Variants in WNK1 observed in about 807,000 individuals in gnomAD.
WNK1 encodes the protein serine/threonine-protein kinase WNK1.
In WNK1, 38 loss-of-function variants were observed where a neutral mutation model predicts 222.8. The ratio of observed to expected loss-of-function variants is 0.17; its 90% CI spans 0.13 to 0.22. The LOEUF is 0.22. WNK1 is among the 10% of genes least tolerant of loss of function. The pLI is 1.00. For synonymous variants in WNK1, 1,090 were observed against 1,092.9 expected (o/e 1.00, Z 0.05); for missense variants, 2,348 against 2,918.4 (o/e 0.80, Z 4.50).
At chr12:797,272 A>G (rs565665591) in intron 1 of WNK1, among the ~76,000 whole-genome samples, 3 of 152,260 alleles carry the variant, frequency 2.0e-5, no homozygotes, top group Non-Finnish European at 2.9e-5. Context: ...GGCTGTAGCT[A>G]TAATTGTTGG....
At chr12:825,318 A>G (rs943604240) in intron 2 of WNK1, among the ~76,000 whole-genome samples, 3 of 152,120 alleles carry the variant, frequency 2.0e-5, no homozygotes, top group Admixed American at 6.5e-5. Flanking sequence ...TAGTTCTGCT[A>G]TTTGATTTTT....
At chr12:875,900 A>G (rs1445277882) in intron 9 of WNK1, among the ~76,000 whole-genome samples, 4 of 152,212 alleles carry the variant, frequency 2.6e-5, no homozygotes, top group Non-Finnish European at 5.9e-5. Flanking sequence ...TAGATATCTC[A>G]TTCACATTCC....
At chr12:767,941 C>G (rs1185502728) in intron 1 of WNK1, among the ~76,000 whole-genome samples, 3 of 152,174 alleles carry the variant, frequency 2.0e-5, no homozygotes, top group African/African-American at 7.2e-5. Context: ...AGAAGGACCA[C>G]TCTAGATGGC....
intron 4 of WNK1, among the ~76,000 whole-genome samples, chr12:845,766 G>T (rs1260166749): frequency 6.6e-6 from 1 of 152,160 alleles, no homozygotes; most frequent in East Asian, 1.9e-4. Flanking sequence ...GAAATAAGGT[G>T]TCTCTTTTTA....
At chr12:813,276 T>C (rs529349600) in intron 1 of WNK1, among the ~76,000 whole-genome samples, 1 of 152,316 alleles carries the variant, frequency 6.6e-6, no homozygotes, top group East Asian at 1.9e-4. Context: ...TGGTTAAAGA[T>C]AGATTGATTT....
chr12:902,500 T>G (rs983823701), intron 26 of WNK1, among the ~76,000 whole-genome samples: 4 of 152,204 alleles, frequency 2.6e-5, no homozygotes, highest in African/African-American at 7.2e-5. Context: ...CCACCACTAC[T>G]GTCCTCTAAC....
chr12:861,931 G>A, intron 7 of WNK1, 152 bp from the exon 8 acceptor site: 1 of 855,538 alleles, frequency 1.2e-6, no homozygotes, highest in Non-Finnish European at 1.9e-6. Flanking sequence ...TACTGAATAT[G>A]GCTACAATTC....
rs1035200798 is a variant in WNK1 at position 819,654 on chromosome 12, A to G, written c.932+5840A>G. Among the ~76,000 whole-genome samples, 3 of 152,336 alleles carry G rather than the reference A, an allele frequency of 2.0e-5. 1 individual carries two copies. The highest frequency in any genetic ancestry group is 4.1e-4 in the South Asian group (2 of 4,822). ...TCCATTGTCATAAATAACCAAGGGC[A>G]TACAGATGTATCCCTAAGTTTTCTT... On this transcript the variant is annotated intron_variant, in intron 2 of 27. Coordinates refer to ENST00000315939, the MANE Select transcript of WNK1 (RefSeq NM_018979.4).
Position 761,596 on chromosome 12 carries a change from G to A in WNK1, c.759+7272G>A, listed in dbSNP as rs1238240387. 1.4e-5 allele frequency among the ~76,000 whole-genome samples: 2 copies of A among 147,772 alleles called. 1 individual carries two copies. The highest frequency in any genetic ancestry group is 3.0e-5 in the Non-Finnish European group (2 of 66,144). On this transcript the variant is annotated intron_variant, in intron 1 of 27. Transcript: ENST00000315939. ...TCTAGTTAACCAAACACACACTAAT[G>A]TATAAACCAAACAGTGAGAGATGAA...
At position 759,335 on chromosome 12, in the gene WNK1, GT is replaced by G. The variant is rs1215276172; in HGVS notation, c.759+5018del. On this transcript the variant is annotated intron_variant, in intron 1 of 27. Transcript: ENST00000315939. The stretch of plus-strand genomic sequence containing the variant: ...AACTTGCATTTTGTTTGAGTTTTTT[GT>G]TTTTTTGTTTTTGAGACAGAGTCTC... 2.1e-5 allele frequency among the ~76,000 whole-genome samples: 3 copies of G among 146,052 alleles called. No individual in the cohort carries two copies. The East Asian group carries it at 5.9e-4, about 29-fold the overall frequency.
intron 2 of WNK1, among the ~76,000 whole-genome samples, chr12:825,243 A>G (rs7298133): frequency 0.13 from 19,466 of 152,212 alleles, 1,581 homozygotes; most frequent in Middle Eastern, 0.21. Flanking sequence ...TTTTTAAACC[A>G]TAAAACCCAC....
chr12:894,403 T>C (rs1399505347), intron 22 of WNK1, among the ~76,000 whole-genome samples, 159 bp from the exon 23 acceptor site: 1 of 152,240 alleles, frequency 6.6e-6, no homozygotes, highest in African/African-American at 2.4e-5. Flanking sequence ...TTTTCCCCTG[T>C]TGGACAGAGC....
chr12:868,509 G>A (rs1951872516), intron 8 of WNK1: 2 of 1,613,824 alleles, frequency 1.2e-6, no homozygotes, highest in East Asian at 2.2e-5. Flanking sequence ...CCCCTCTCTA[G>A]TATTTCTGCA....
intron 1 of WNK1, among the ~76,000 whole-genome samples, chr12:804,919 T>C (rs1398641517): frequency 8.3e-6 from 1 of 120,054 alleles, no homozygotes; most frequent in African/African-American, 3.0e-5. Context: ...TTTATATATA[T>C]AATTAATATT....
At chr12:833,485 A>G (rs1369944958) in intron 4 of WNK1, among the ~76,000 whole-genome samples, 3 of 152,140 alleles carry the variant, frequency 2.0e-5, no homozygotes, top group Non-Finnish European at 2.9e-5. Context: ...CTGTATTCCT[A>G]TCCATTTGTA....
intron 3 of WNK1, among the ~76,000 whole-genome samples, chr12:828,021 AG>A (rs1285930999): frequency 1.3e-5 from 2 of 152,020 alleles, no homozygotes; most frequent in Non-Finnish European, 2.9e-5. Context: ...ATATTGGCCA[AG>A]CACAATGGCT....
At chr12:857,401 T>C (rs1034761879) in intron 5 of WNK1, 152 bp downstream of exon 5, 8 of 795,496 alleles carry the variant, frequency 1.0e-5, no homozygotes, top group African/African-American at 3.5e-5. Context: ...GTTTTGTTCA[T>C]TGTGGTTATT....
chr12:797,599 A>G (rs1471195197), intron 1 of WNK1, among the ~76,000 whole-genome samples: 1 of 152,114 alleles, frequency 6.6e-6, no homozygotes, highest in African/African-American at 2.4e-5. Context: ...TCAAATGCAG[A>G]CAGGTTCTAC....
At chr12:907,107 G>A (rs143346301) in intron 26 of WNK1, among the ~76,000 whole-genome samples, 1,576 of 150,794 alleles carry the variant, frequency 0.01, 10 homozygotes, top group Non-Finnish European at 0.016. Context: ...ATCACCTGAG[G>A]TCAGGAGTTC....
Sources: gnomAD v4.1 joint callset for allele counts (sites outside exome capture counted in the v4.1 genomes callset) on GRCh38, gnomAD v4.1.1 for gene constraint, MANE v1.5 for transcripts, NCBI Gene and HGNC (gene_info 2026-07-23, HGNC 2026-07-21) for gene names.